Variants in PRMT9 observed in about 807,000 individuals in gnomAD.
PRMT9 encodes the protein protein arginine methyltransferase 9.
Under a neutral mutation model 83.2 loss-of-function variants are expected in PRMT9, and 59 were observed. That is an observed-to-expected ratio of 0.71 (90% confidence interval 0.57 to 0.88). The LOEUF is 0.88. PRMT9 is among the 40% of genes least tolerant of loss of function. The probability of loss-of-function intolerance (pLI) is 0.00; values close to 1 mark genes in which losing one functional copy is unlikely to be tolerated. For missense variants in PRMT9, 947 were observed against 1,021.9 expected (o/e 0.93, Z 1.00); for synonymous variants, 333 against 353.2 (o/e 0.94, Z 0.64).
At chr4:147,642,692 T>A (rs1219112216) in intron 10 of PRMT9, 95 bp downstream of exon 10, 2 of 1,060,836 alleles carry the variant, frequency 1.9e-6, no homozygotes, top group East Asian at 4.8e-5. Flanking sequence ...TAAACTTTAG[T>A]CACTGTGTTT....
intron 2 of PRMT9, among the ~76,000 whole-genome samples, chr4:147,676,261 A>C (rs1736064059): frequency 6.6e-6 from 1 of 152,212 alleles, no homozygotes; most frequent in African/African-American, 2.4e-5. Flanking sequence ...TGTTAAATTG[A>C]GTTTATCCTG....
At chr4:147,639,487 A>G (rs1172434383) in intron 10 of PRMT9, among the ~76,000 whole-genome samples, 1 of 152,212 alleles carries the variant, frequency 6.6e-6, no homozygotes, top group African/African-American at 2.4e-5. Flanking sequence ...TGCCAGATTC[A>G]ATCAAACAAT....
At chr4:147,650,520 T>C (rs181959044) in intron 9 of PRMT9, among the ~76,000 whole-genome samples, 7 of 151,788 alleles carry the variant, frequency 4.6e-5, no homozygotes, top group Non-Finnish European at 7.4e-5. Context: ...AAACATAGCT[T>C]AAAAAAAAAT....
Position 147,638,154 on chromosome 4 carries a change from A to C in PRMT9, c.*378T>G, listed in dbSNP as rs906114935. On this transcript the variant is annotated 3_prime_UTR_variant, in exon 12 of 12. Coordinates refer to ENST00000322396, the MANE Select transcript of PRMT9 (RefSeq NM_138364.4). ...ACCATAACCCTCAGTCTTCAGTGGA[A>C]GCCTTTCAGTGTTTCCCAATTACAA... 2.7e-5 allele frequency: 7 copies of C among 261,822 alleles called. No individual in the cohort carries two copies. The South Asian group carries it at 3.1e-4, about 11-fold the overall frequency. 16.2% of individuals were successfully genotyped at this position (261,822 alleles called of 1,614,324 possible).
rs145361136 is a variant in PRMT9 at position 147,648,995 on chromosome 4, G to A, written c.2045+4857C>T. ...ATTACTGCAACTGCTAGGCTCCTCA[G>A]AAATCTTTTGCAAAGCTAAATGATA... On this transcript the variant is annotated intron_variant, in intron 9 of 11. Coordinates refer to ENST00000322396, the MANE Select transcript of PRMT9 (RefSeq NM_138364.4). Among the ~76,000 whole-genome samples, 194 of 152,264 alleles carry A rather than the reference G, an allele frequency of 1.3e-3. 1 individual carries two copies. The highest frequency in any genetic ancestry group is 4.5e-3 in the African/African-American group (188 of 41,564).
At chr4:147,653,732 A>G in intron 9 of PRMT9, 120 bp downstream of exon 9, 1 of 718,094 alleles carries the variant, frequency 1.4e-6, no homozygotes, top group Non-Finnish European at 2.3e-6. Context: ...GTAATGCTTG[A>G]GGAGCATACA....
intron 6 of PRMT9, among the ~76,000 whole-genome samples, chr4:147,661,964 A>G (rs1734994458): frequency 6.6e-6 from 1 of 152,184 alleles, no homozygotes; most frequent in African/African-American, 2.4e-5. Flanking sequence ...CGAGCTGAGC[A>G]TACCTATTCA....
intron 2 of PRMT9, among the ~76,000 whole-genome samples, chr4:147,675,279 T>G (rs1735998537): frequency 6.6e-6 from 1 of 152,046 alleles, no homozygotes; most frequent in Admixed American, 6.6e-5. Context: ...CGTGCCCAGC[T>G]AGAGAAACTT....
At chr4:147,678,430 C>A (rs1002494515) in intron 2 of PRMT9, among the ~76,000 whole-genome samples, 9 of 152,216 alleles carry the variant, frequency 5.9e-5, no homozygotes, top group Non-Finnish European at 1.3e-4. Flanking sequence ...CAATGTTAAC[C>A]ATTCATTTTA....
intron 1 of PRMT9, among the ~76,000 whole-genome samples, 195 bp downstream of exon 1, chr4:147,683,604 C>G (rs1255321964): frequency 3.3e-5 from 5 of 151,990 alleles, no homozygotes; most frequent in African/African-American, 4.8e-5. Context: ...CACCCTAGCC[C>G]CTCCGCCTTT....
In PRMT9 at chr4:147,654,270, T is replaced by C. The variant is rs766002384; in HGVS notation, c.1627A>G (p.Lys543Glu). Residue 543 changes from lysine to glutamate, a missense_variant, in exon 9 of 12, where the codon AAA becomes GAA. Coordinates refer to ENST00000322396, the MANE Select transcript of PRMT9 (RefSeq NM_138364.4). ...TCTGGAGTCAGTGAAGACAAAACTT[T>C]GCTCATTGCCATTTTAAAGCCTTCA... The part of the protein sequence containing the change: ...YHEGFKMAMS[K>E]VLSSLTPEKL... The C allele has an allele frequency of 1.2e-6, 2 of 1,614,248 alleles. No individual in the cohort carries two copies. The highest frequency in any genetic ancestry group is 2.2e-5 in the South Asian group (2 of 91,088).
Position 147,683,054 on chromosome 4 carries a change from A to T in PRMT9, c.189+745T>A, listed in dbSNP as rs535022501. Among the ~76,000 whole-genome samples, 296 of 152,368 alleles carry T rather than the reference A, an allele frequency of 1.9e-3. 1 individual carries two copies. The highest frequency in any genetic ancestry group is 3.1e-3 in the Non-Finnish European group (212 of 68,032). Reference sequence around the variant, plus strand: ...AGATTCTAAAAGTACTTCAAAAAAGAACAGCATTTCAACAGAGTAATTGTT... The same window carrying T: ...AGATTCTAAAAGTACTTCAAAAAAGTACAGCATTTCAACAGAGTAATTGTT... On this transcript the variant is annotated intron_variant, in intron 1 of 11. Coordinates refer to ENST00000322396, the MANE Select transcript of PRMT9 (RefSeq NM_138364.4).
Position 147,680,432 on chromosome 4 carries a change from G to A in PRMT9, c.229C>T (p.Leu77Phe), listed in dbSNP as rs1736387599. The change falls in exon 2 of 12, where the codon CTT (leucine) becomes TTT (phenylalanine). Residue 77 changes from leucine to phenylalanine, a missense_variant. By Grantham distance (22) the Leu-to-Phe change is conservative. Coordinates refer to ENST00000322396, the MANE Select transcript of PRMT9 (RefSeq NM_138364.4). The stretch of plus-strand genomic sequence containing the variant: ...TCTTGTATCCGACTGAGAGCATCAA[G>A]CTCTTCAGCCCATCTGAAAAGTGTG... ...QYTLFRWAEE[L>F]DALSRIQDLL... 5 of 1,614,006 alleles carry A rather than the reference G, an allele frequency of 3.1e-6. No homozygotes were observed. Among genetic ancestry groups the A allele is most frequent in the Non-Finnish European group, 4.2e-6 (5 of 1,179,918 alleles).
intron 1 of PRMT9, 51 bp downstream of exon 1, chr4:147,683,748 T>A: frequency 6.7e-7 from 1 of 1,488,776 alleles, no homozygotes; most frequent in Non-Finnish European, 9.2e-7. Context: ...TTTTTTTTTT[T>A]TTTTACGAGG....
intron 9 of PRMT9, among the ~76,000 whole-genome samples, chr4:147,647,045 T>C (rs2126579097): frequency 6.6e-6 from 1 of 152,224 alleles, no homozygotes; most frequent in South Asian, 2.1e-4. Flanking sequence ...ACCCCCTCCT[T>C]GTTCAGGGAC....
At chr4:147,675,266 C>T (rs1477856799) in intron 2 of PRMT9, among the ~76,000 whole-genome samples, 1 of 152,158 alleles carries the variant, frequency 6.6e-6, no homozygotes, top group African/African-American at 2.4e-5. Flanking sequence ...AGGCGTGAGC[C>T]ACCGTGCCCA....
At chr4:147,673,489 T>G (rs1364371805) in intron 3 of PRMT9, 149 bp downstream of exon 3, 1 of 668,674 alleles carries the variant, frequency 1.5e-6, no homozygotes, top group African/African-American at 1.8e-5. Flanking sequence ...ATAAAAGTTA[T>G]AGTAAAAAAC....
In PRMT9 at chr4:147,680,265, C is replaced by A. The variant is rs893935238; in HGVS notation, c.338+58G>T. On this transcript the variant is annotated intron_variant, in intron 2 of 11. Transcript: ENST00000322396. ...CTGTTAAAATTACAGTATGATTTAT[C>A]CCTATCCAGACTAATACAGAATAAT... 3.3e-6 allele frequency: 5 copies of A among 1,494,304 alleles called. No individual in the cohort carries two copies. In the Admixed American group the frequency reaches 6.7e-5, roughly 20 times the overall value. 92.6% of individuals were successfully genotyped at this position (1,494,304 alleles called of 1,614,324 possible). A position where few individuals can be genotyped will look rare whatever the true frequency, so the allele number is the denominator to read the frequency against.
intron 2 of PRMT9, among the ~76,000 whole-genome samples, chr4:147,674,219 C>T (rs1735926486): frequency 6.6e-6 from 1 of 152,198 alleles, no homozygotes; most frequent in Non-Finnish European, 1.5e-5. Context: ...GTAGGCTCCT[C>T]TTTGTGGGGG....
Sources: allele counts gnomAD v4.1 joint callset (sites outside exome capture counted in the v4.1 genomes callset), GRCh38; gene constraint gnomAD v4.1.1; transcripts MANE v1.5; gene names NCBI Gene and HGNC (gene_info 2026-07-23, HGNC 2026-07-21).